The following TNS1 variants were observed in gnomAD, a reference collection of about 807,000 sequenced individuals.
TNS1 encodes tensin 1, also known as tensin-1.
TNS1 carries 62 observed loss-of-function variants against 168.6 expected under a neutral mutation model. The ratio of observed to expected loss-of-function variants is 0.37; its 90% CI spans 0.30 to 0.45. The LOEUF (loss-of-function observed/expected upper bound fraction) is 0.45, where lower values mean the gene tolerates loss of function less well. Ranked by LOEUF, TNS1 falls within the 20% of genes least tolerant of loss-of-function variation. The pLI, the probability that TNS1 is intolerant of heterozygous loss-of-function variation, is 1.00. For synonymous variants in TNS1, 934 were observed against 933.2 expected (o/e 1.00, Z -0.02); for missense variants, 2,240 against 2,339.4 (o/e 0.96, Z 0.88).
intron 1 of TNS1, among the ~76,000 whole-genome samples, chr2:217,998,544 G>A (rs1411831175): frequency 6.6e-6 from 1 of 152,164 alleles, no homozygotes; most frequent in African/African-American, 2.4e-5. Context: ...TCTGTCGCCT[G>A]GGCTGGAGTG....
intron 3 of TNS1, among the ~76,000 whole-genome samples, chr2:217,921,893 A>G (rs1365686546): frequency 6.6e-6 from 1 of 152,194 alleles, no homozygotes; most frequent in African/African-American, 2.4e-5. Context: ...TGCGCGGGGC[A>G]TGGATGGGTT....
intron 1 of TNS1, among the ~76,000 whole-genome samples, chr2:217,994,369 G>A (rs535244260): frequency 6.6e-4 from 100 of 152,212 alleles, no homozygotes; most frequent in Non-Finnish European, 1.5e-4. Flanking sequence ...TGCAGAGAGA[G>A]GACCTGGGGT....
chr2:217,926,256 A>G (rs1240454445), intron 3 of TNS1, among the ~76,000 whole-genome samples: 1 of 152,082 alleles, frequency 6.6e-6, no homozygotes, highest in African/African-American at 2.4e-5. Context: ...TGTTTAAGTC[A>G]CCCGGCGTAT....
intron 1 of TNS1, among the ~76,000 whole-genome samples, chr2:218,021,086 C>T (rs540916943): frequency 6.6e-6 from 1 of 152,348 alleles, no homozygotes; most frequent in Non-Finnish European, 1.5e-5. Context: ...ACTGAATAAG[C>T]CTGTGCCAGG....
At chr2:218,022,404 C>A (rs1435782587) in intron 1 of TNS1, among the ~76,000 whole-genome samples, 1 of 152,190 alleles carries the variant, frequency 6.6e-6, no homozygotes, top group East Asian at 1.9e-4. Flanking sequence ...GACCACGCTG[C>A]ATCCCTGAAT....
chr2:217,817,871 T>A lies in TNS1; in HGVS notation c.4461A>T (p.Thr1487=). The change falls in exon 24 of 33, where the codon ACA becomes ACT. Residue 1487 remains threonine, a synonymous_variant. Transcript: ENST00000682258. ...DSAAFRQGSP[T]PALPEKRRMS... ...TCCTTCGCTTCTCTGGCAAGGCTGG[T>A]GTTGGGCTCCCTTGCCGGAAGGCTG... 1 of 1,614,112 alleles carries A rather than the reference T, an allele frequency of 6.2e-7. No homozygotes were observed. The highest frequency in any genetic ancestry group is 8.5e-7 in the Non-Finnish European group (1 of 1,179,966).
chr2:217,910,401 C>G (rs1246158427), intron 4 of TNS1, among the ~76,000 whole-genome samples: 5 of 152,232 alleles, frequency 3.3e-5, no homozygotes, highest in Admixed American at 2.6e-4. Flanking sequence ...AGCATGCATG[C>G]TGCCCGACCC....
At chr2:217,894,934 T>C (rs1023041272) in intron 9 of TNS1, 72 bp downstream of exon 9, 76 of 1,415,992 alleles carry the variant, frequency 5.4e-5, no homozygotes, top group Admixed American at 1.3e-4. Flanking sequence ...AAGATTATTA[T>C]GTGGGAACTC....
In TNS1 at chr2:217,800,163, C is replaced by G. The variant is rs142164744; in HGVS notation, c.*4296G>C. ...ACACACTGATGTGCTCTCACACACA[C>G]GCACAAACAAAACACAGACACAGGA... On this transcript the variant is annotated 3_prime_UTR_variant, in exon 33 of 33. Coordinates refer to ENST00000682258, the MANE Select transcript of TNS1 (RefSeq NM_001387777.1). 6.6e-6 allele frequency: 1 copy of G among 152,322 alleles called. No individual in the cohort carries two copies. Among genetic ancestry groups the G allele is most frequent in the Non-Finnish European group, 1.5e-5 (1 of 68,130 alleles). The allele number at this position is 152,322 out of a possible 1,614,324, so 9.4% of individuals were successfully genotyped here. A position where few individuals can be genotyped will look rare whatever the true frequency, so the allele number is the denominator to read the frequency against.
intron 22 of TNS1, among the ~76,000 whole-genome samples, chr2:217,824,667 A>C (rs987655763): frequency 6.6e-6 from 1 of 152,120 alleles, no homozygotes; most frequent in South Asian, 2.1e-4. Context: ...ACTTGGGAGA[A>C]GAGAACATCA....
At position 217,880,909 on chromosome 2, in the gene TNS1, T is replaced by C. The variant is rs1474189779; in HGVS notation, c.1418A>G (p.Asp473Gly). 6 of 1,613,602 alleles carry C rather than the reference T, an allele frequency of 3.7e-6. No individual in the cohort carries two copies. The African/African-American group carries it at 6.7e-5, about 18-fold the overall frequency. The change falls in exon 18 of 33, where the codon GAC (aspartate) becomes GGC (glycine). Residue 473 changes from aspartate (D) to glycine (G), a missense_variant. Physicochemically the swap from Asp to Gly is moderately conservative, Grantham distance 94 (BLOSUM62 -1). This residue lies in a region of TNS1 where 2,131 missense variants were observed against 2,171.2 expected (regional missense o/e 0.98). Transcript: ENST00000682258. This position sits in a 1 kb window ranked among gnomAD's most constrained non-coding sequence, Gnocchi z 4.2. ...SYDNFSGHRD[D>G]GMEEVVGHTQ... ...TAGGTCCCACCTACCCTCCATGCCG[T>C]CATCTCGATGCCCACTGAAGTTGTC... is the stretch of plus-strand genomic sequence containing the variant.
chr2:217,898,056 G>T, intron 7 of TNS1, 87 bp from the exon 8 acceptor site: 2 of 1,415,546 alleles, frequency 1.4e-6, no homozygotes, highest in Middle Eastern at 1.8e-4. Context: ...TACACACCCT[G>T]TGTGACCCCC....
intron 3 of TNS1, among the ~76,000 whole-genome samples, chr2:217,966,582 C>A (rs1957647983): frequency 6.6e-6 from 1 of 152,140 alleles, no homozygotes; most frequent in South Asian, 2.1e-4. Flanking sequence ...AGGGACCCAG[C>A]ATCAGATGTT....
At chr2:217,920,272 T>C (rs987882893) in intron 3 of TNS1, 36 bp from the exon 4 acceptor site, 14 of 702,748 alleles carry the variant, frequency 2.0e-5, no homozygotes, top group Non-Finnish European at 3.6e-5. Flanking sequence ...GGTGAGCATA[T>C]CTTGTCTCTA....
chr2:217,839,853 G>A (rs949616647), intron 19 of TNS1, among the ~76,000 whole-genome samples: 1 of 152,234 alleles, frequency 6.6e-6, no homozygotes, highest in Admixed American at 6.5e-5. Context: ...GGCTCCAGAA[G>A]CGAGGGGATC....
chr2:217,937,657 C>T (rs992434801), intron 3 of TNS1, among the ~76,000 whole-genome samples: 6 of 152,138 alleles, frequency 3.9e-5, no homozygotes, highest in African/African-American at 9.7e-5. Flanking sequence ...GACTGGGGGA[C>T]GCCCAGCAGA....
chr2:217,962,312 G>A (rs1013939417), intron 3 of TNS1, among the ~76,000 whole-genome samples: 6 of 152,114 alleles, frequency 3.9e-5, no homozygotes, highest in African/African-American at 1.4e-4. Context: ...GCGTGGTGGC[G>A]CATGCCTGTA....
intron 1 of TNS1, 68 bp from the exon 2 acceptor site, chr2:217,991,124 G>T (rs937714542): frequency 4.5e-5 from 23 of 515,600 alleles, no homozygotes; most frequent in Non-Finnish European, 7.9e-5. Context: ...GAGTAGAGGA[G>T]CCTGGGGGAG....
intron 3 of TNS1, among the ~76,000 whole-genome samples, chr2:217,971,708 A>C (rs530645814): frequency 2.8e-4 from 42 of 152,298 alleles, no homozygotes; most frequent in African/African-American, 7.7e-4. Flanking sequence ...ACTTTTAAAA[A>C]TCCCAATGCC....
Sources: allele counts gnomAD v4.1 joint callset (sites outside exome capture counted in the v4.1 genomes callset), GRCh38; gene constraint gnomAD v4.1.1; regional missense constraint gnomAD v4.1.1; non-coding constraint Gnocchi (gnomAD v3.1); transcripts MANE v1.5; gene names NCBI Gene and HGNC (gene_info 2026-07-23, HGNC 2026-07-21).